The following PEX14 variants were observed in gnomAD, a reference collection of about 807,000 sequenced individuals.
PEX14 encodes peroxisomal membrane protein PEX14.
In PEX14, 15 loss-of-function variants were observed where a neutral mutation model predicts 49.5. The observed-to-expected ratio is 0.30, with a 90% CI of 0.20 to 0.47. The LOEUF is 0.47. Among genes scored for constraint, PEX14 ranks in the 20% least tolerant of loss-of-function variants. The probability of loss-of-function intolerance (pLI) is 1.00; values close to 1 mark genes in which losing one functional copy is unlikely to be tolerated. For missense variants in PEX14, 398 were observed against 494.8 expected (o/e 0.80, Z 1.86); for synonymous variants, 210 against 212.7 (o/e 0.99, Z 0.11).
intron 3 of PEX14, among the ~76,000 whole-genome samples, chr1:10,557,895 C>T (rs1246107175): frequency 1.3e-5 from 2 of 150,772 alleles, no homozygotes; most frequent in African/African-American, 4.9e-5. Flanking sequence ...TTGCTAGTTG[C>T]GTAACAGGGA....
intron 3 of PEX14, among the ~76,000 whole-genome samples, chr1:10,549,541 T>G (rs1639278167): frequency 6.6e-6 from 1 of 151,998 alleles, no homozygotes; most frequent in Non-Finnish European, 1.5e-5. Context: ...TTACTTACAT[T>G]TTTTTTTCCC....
At chr1:10,547,006 G>C (rs1283122093) in intron 3 of PEX14, among the ~76,000 whole-genome samples, 1 of 152,172 alleles carries the variant, frequency 6.6e-6, no homozygotes, top group Middle Eastern at 3.2e-3. Flanking sequence ...ATTTGCCAGG[G>C]TAGGTGCTAC....
At chr1:10,503,824 T>C (rs1023516501) in intron 2 of PEX14, among the ~76,000 whole-genome samples, 1 of 151,934 alleles carries the variant, frequency 6.6e-6, no homozygotes, top group Non-Finnish European at 1.5e-5. Context: ...ACCTCTGCCT[T>C]GGGGGTTCAA....
At chr1:10,521,738 TTTAAGGTGAGG>T (rs1638300287) in intron 2 of PEX14, among the ~76,000 whole-genome samples, 1 of 152,226 alleles carries the variant, frequency 6.6e-6, no homozygotes, top group Admixed American at 6.5e-5. Context: ...ATCATACATA[TTTAAGGTGAGG>T]TTGAGTGAAT....
At chr1:10,496,264 G>A (rs1641558494) in intron 2 of PEX14, among the ~76,000 whole-genome samples, 1 of 152,206 alleles carries the variant, frequency 6.6e-6, no homozygotes, top group South Asian at 2.1e-4. Context: ...TGCTGGGACT[G>A]TTTCAGGGGA....
rs377059083 is a variant in PEX14 at position 10,624,428 on chromosome 1, C to T, written c.576C>T (p.Ala192=). 1.2e-5 allele frequency: 19 copies of T among 1,608,376 alleles called. No homozygotes were observed. The highest frequency in any genetic ancestry group is 5.3e-5 in the African/African-American group (4 of 74,946). ...TCCAGGAGCTTGCCCACGAGCTGGC[C>T]GCTGCCAAGGTACCTGTCTCTGCTG... The part of the protein sequence containing the change: ...QKIQELAHEL[A]AAKATTSTNW... Residue 192 remains alanine, a synonymous_variant, in exon 7 of 9, where the codon GCC becomes GCT. Transcript: ENST00000356607.
intron 3 of PEX14, among the ~76,000 whole-genome samples, chr1:10,541,138 T>C (rs1427567291): frequency 6.6e-6 from 1 of 152,172 alleles, no homozygotes; most frequent in Non-Finnish European, 1.5e-5. Flanking sequence ...TCTCACTGAC[T>C]GAAGAGGAAG....
chr1:10,624,019 A>C (rs763248869), intron 6 of PEX14, among the ~76,000 whole-genome samples: 67 of 152,212 alleles, frequency 4.4e-4, no homozygotes, highest in Non-Finnish European at 7.6e-4. Context: ...CCAGGAGATG[A>C]AGGACGCAGG....
rs958778235 is a variant in PEX14, at chr1:10,495,017, G to A, written c.37-257G>A. 2 of 760,970 alleles carry A rather than the reference G, an allele frequency of 2.6e-6. No individual in the cohort carries two copies. Among genetic ancestry groups the A allele is most frequent in the African/African-American group, 3.8e-5 (2 of 52,840 alleles). The allele number at this position is 760,970 out of a possible 1,614,324, so 47.1% of individuals were successfully genotyped here. On this transcript the variant is annotated intron_variant, in intron 1 of 8. Coordinates refer to ENST00000356607, the MANE Select transcript of PEX14 (RefSeq NM_004565.3). This position sits in a 1 kb window ranked among gnomAD's most constrained non-coding sequence, Gnocchi z 4.2. The stretch of plus-strand genomic sequence containing the variant: ...AGTAGGTGATCGTGGGCCTTCCTGA[G>A]CAGAACCAAGCCTTGTTCTTGGAGT...
intron 4 of PEX14, among the ~76,000 whole-genome samples, chr1:10,614,200 A>T (rs1490153740): frequency 6.6e-6 from 1 of 152,178 alleles, no homozygotes; most frequent in Non-Finnish European, 1.5e-5. Flanking sequence ...AGTCATCTCT[A>T]TCCGAGTTTT....
At chr1:10,517,951 G>A (rs1260775589) in intron 2 of PEX14, among the ~76,000 whole-genome samples, 1 of 152,126 alleles carries the variant, frequency 6.6e-6, no homozygotes, top group Non-Finnish European at 1.5e-5. Context: ...GTGGACTCTA[G>A]AACCTTTGTC....
chr1:10,475,086 G>A, intron 1 of PEX14, 84 bp downstream of exon 1: 4 of 1,354,446 alleles, frequency 3.0e-6, no homozygotes. Flanking sequence ...GCCGGGTAGG[G>A]ACCCCGAGTC....
chr1:10,603,401 GAA>G (rs2124609344), intron 4 of PEX14, among the ~76,000 whole-genome samples: 1 of 152,224 alleles, frequency 6.6e-6, no homozygotes, highest in African/African-American at 2.4e-5. Context: ...CTGAAATATA[GAA>G]AAGAGAAGAA....
chr1:10,517,099 C>T (rs558144360), intron 2 of PEX14: 13 of 152,444 alleles, frequency 8.5e-5, no homozygotes, highest in Admixed American at 3.9e-4. Flanking sequence ...AGCCTGCACT[C>T]TGCATTTCAC....
rs533191337 is a variant in PEX14 at position 10,628,291 on chromosome 1, C to T, written c.677+928C>T. Among the ~76,000 whole-genome samples the T allele has an allele frequency of 6.6e-5, 10 of 152,344 alleles. 1 individual carries two copies. The East Asian group carries it at 1.4e-3, about 21-fold the overall frequency. On this transcript the variant is annotated intron_variant, in intron 8 of 8. Coordinates refer to ENST00000356607, the MANE Select transcript of PEX14 (RefSeq NM_004565.3). This position sits in a 1 kb window ranked among gnomAD's most constrained non-coding sequence, Gnocchi z 4.5. ...CCAGGAGCCACTCTGTCCTGGGAGC[C>T]GCAACTGTGGGCCATCCTCCTGGGC...
chr1:10,515,968 G>A (rs1641962643), intron 2 of PEX14, among the ~76,000 whole-genome samples: 1 of 152,190 alleles, frequency 6.6e-6, no homozygotes, highest in African/African-American at 2.4e-5. Context: ...CAAGACAGGT[G>A]CCATGGAGTT....
chr1:10,626,804 C>A (rs545598629), intron 7 of PEX14, among the ~76,000 whole-genome samples: 1 of 152,202 alleles, frequency 6.6e-6, no homozygotes, highest in Non-Finnish European at 1.5e-5. Flanking sequence ...CCCGTCTATA[C>A]CAGCAAGATT....
At chr1:10,547,616 T>C (rs1479359346) in intron 3 of PEX14, among the ~76,000 whole-genome samples, 1 of 152,148 alleles carries the variant, frequency 6.6e-6, no homozygotes, top group African/African-American at 2.4e-5. Context: ...AGATTAACAG[T>C]GTTAACTAAT....
At chr1:10,496,119 G>T (rs562517930) in intron 2 of PEX14, among the ~76,000 whole-genome samples, 1 of 152,206 alleles carries the variant, frequency 6.6e-6, no homozygotes, top group Non-Finnish European at 1.5e-5. Context: ...TCTGGCAGTC[G>T]CGGGAGGAGA....
Sources: gnomAD v4.1 joint callset for allele counts (sites outside exome capture counted in the v4.1 genomes callset) on GRCh38, gnomAD v4.1.1 for gene constraint, Gnocchi (gnomAD v3.1) non-coding constraint, MANE v1.5 for transcripts, NCBI Gene and HGNC (gene_info 2026-07-23, HGNC 2026-07-21) for gene names.